Variants in CTNND2 observed in about 807,000 individuals in gnomAD.
The protein encoded by CTNND2 is catenin delta 2.
Under a neutral mutation model 144.4 loss-of-function variants are expected in CTNND2, and 22 were observed. The ratio of observed to expected loss-of-function variants is 0.15; its 90% CI spans 0.11 to 0.22. The LOEUF is 0.22. Among genes scored for constraint, CTNND2 ranks in the 10% least tolerant of loss-of-function variants. The pLI is 1.00. For missense variants in CTNND2, 1,353 were observed against 1,618.8 expected, an observed-to-expected ratio of 0.84 and a Z score of 2.82; for synonymous variants, 751 against 695.6, an observed-to-expected ratio of 1.08 and a Z score of -1.25.
chr5:11,851,409 T>C (rs1378241197), intron 1 of CTNND2, among the ~76,000 whole-genome samples: 1 of 152,180 alleles, frequency 6.6e-6, no homozygotes, highest in East Asian at 1.9e-4. Context: ...TTACTCTGCA[T>C]GATTGAAAGA....
At chr5:11,856,718 T>C (rs544671231) in intron 1 of CTNND2, among the ~76,000 whole-genome samples, 2 of 152,284 alleles carry the variant, frequency 1.3e-5, no homozygotes, top group African/African-American at 2.4e-5. Context: ...CTTCGACATA[T>C]ATGTGGTTTG....
At chr5:11,322,620 C>T (rs528195538) in intron 9 of CTNND2, among the ~76,000 whole-genome samples, 22 of 152,102 alleles carry the variant, frequency 1.4e-4, no homozygotes, top group African/African-American at 4.3e-4. Flanking sequence ...TTCTTGGATA[C>T]ATTTGTTATG....
At chr5:11,334,480 A>G (rs185127127) in intron 9 of CTNND2, among the ~76,000 whole-genome samples, 6 of 152,320 alleles carry the variant, frequency 3.9e-5, no homozygotes, top group Non-Finnish European at 8.8e-5. Flanking sequence ...ATTCAGTTGA[A>G]AAGACTACAT....
chr5:11,006,098 T>C (rs1421377696), intron 18 of CTNND2, among the ~76,000 whole-genome samples: 1 of 152,002 alleles, frequency 6.6e-6, no homozygotes, highest in Non-Finnish European at 1.5e-5. Flanking sequence ...ATCATCTACA[T>C]TAGCAGGTAT....
rs565430813 is a variant in CTNND2, at chr5:11,537,076, G to A, written c.287+27868C>T. ...GGTGGGGGGAAGGAGGCAGCAATTA[G>A]TCTCTAGTAACCCCTCCAATCATTC... On this transcript the variant is annotated intron_variant, in intron 3 of 21. Coordinates refer to ENST00000304623, the MANE Select transcript of CTNND2 (RefSeq NM_001332.4). Among the ~76,000 whole-genome samples the A allele has an allele frequency of 9.2e-5, 14 of 151,774 alleles. No homozygotes were observed. The East Asian group carries it at 2.5e-3, about 28-fold the overall frequency.
chr5:11,242,929 C>T (rs774934070), intron 9 of CTNND2, among the ~76,000 whole-genome samples: 16 of 151,940 alleles, frequency 1.1e-4, no homozygotes, highest in Admixed American at 2.0e-4. Flanking sequence ...TCTTAAAATG[C>T]CAAAATAAAA....
intron 3 of CTNND2, among the ~76,000 whole-genome samples, chr5:11,477,678 G>A (rs1369735115): frequency 6.6e-6 from 1 of 152,078 alleles, no homozygotes; most frequent in South Asian, 2.1e-4. Flanking sequence ...GCCTCCAAAG[G>A]CTCTGCGGTG....
intron 16 of CTNND2, among the ~76,000 whole-genome samples, chr5:11,079,809 T>A (rs61757081): frequency 0.016 from 2,422 of 152,334 alleles, 54 homozygotes; most frequent in East Asian, 0.067. Context: ...ACTAGACTTT[T>A]ACATAGAAAA....
intron 21 of CTNND2, among the ~76,000 whole-genome samples, chr5:10,975,378 T>G (rs1290196184): frequency 1.3e-5 from 2 of 152,220 alleles, no homozygotes; most frequent in African/African-American, 4.8e-5. Context: ...ACTCCAGTAG[T>G]CATAAATATT....
chr5:11,281,861 C>T (rs771588206), intron 9 of CTNND2, among the ~76,000 whole-genome samples: 5 of 152,184 alleles, frequency 3.3e-5, no homozygotes, highest in African/African-American at 4.8e-5. Context: ...TCTCTAATTA[C>T]AGTCATATTC....
chr5:11,004,770 CAAAAA>C (rs56261802), intron 18 of CTNND2, among the ~76,000 whole-genome samples: 3 of 88,846 alleles, frequency 3.4e-5, no homozygotes, highest in Admixed American at 1.3e-4. Context: ...CTCCTTCTCA[CAAAAA>C]AAAAAAAAAA....
At chr5:11,470,674 T>C (rs1331565424) in intron 3 of CTNND2, among the ~76,000 whole-genome samples, 1 of 152,044 alleles carries the variant, frequency 6.6e-6, no homozygotes, top group African/African-American at 2.4e-5. Context: ...TCCTGCCTCC[T>C]TAAGCTCTCC....
intron 15 of CTNND2, among the ~76,000 whole-genome samples, chr5:11,095,203 T>C (rs2973511): frequency 0.56 from 85,233 of 152,120 alleles, 26,851 homozygotes; most frequent in African/African-American, 0.85. Context: ...GCCCCTGAGA[T>C]ACGGAACCTG....
At chr5:11,473,726 G>C (rs1369621874) in intron 3 of CTNND2, among the ~76,000 whole-genome samples, 2 of 152,206 alleles carry the variant, frequency 1.3e-5, no homozygotes, top group Non-Finnish European at 2.9e-5. Context: ...CAGACCAATG[G>C]GTGAGCCAGG....
rs200889914 is a variant in CTNND2 at position 10,992,469 on chromosome 5, C to A, written c.3211+82G>T. On this transcript the variant is annotated intron_variant, in intron 19 of 21. Coordinates refer to ENST00000304623, the MANE Select transcript of CTNND2 (RefSeq NM_001332.4). ...TGAATGGAAGGCTCTCCTCTGAGTACGGGTTGGCTCACGGACTGGGAAGGA... is the reference window on the plus strand; with the variant it reads ...TGAATGGAAGGCTCTCCTCTGAGTAAGGGTTGGCTCACGGACTGGGAAGGA... 1.8e-5 allele frequency: 28 copies of A among 1,588,206 alleles called. No homozygotes were observed. The East Asian group carries it at 6.0e-4, about 34-fold the overall frequency.
chr5:11,256,669 G>A (rs1580725196), intron 9 of CTNND2, among the ~76,000 whole-genome samples: 2 of 152,274 alleles, frequency 1.3e-5, no homozygotes, highest in Non-Finnish European at 1.5e-5. Flanking sequence ...GCTTACCATA[G>A]CTCCTCCTTA....
chr5:10,992,751 C>T (rs1392975087), intron 18 of CTNND2, 74 bp from the exon 19 acceptor site: 2 of 1,554,620 alleles, frequency 1.3e-6, no homozygotes, highest in East Asian at 2.3e-5. Flanking sequence ...TTTTAAGTTC[C>T]AAGTATCTGG....
intron 18 of CTNND2, among the ~76,000 whole-genome samples, chr5:11,013,156 G>A (rs1162135746): frequency 2.6e-5 from 4 of 152,120 alleles, no homozygotes; most frequent in Non-Finnish European, 5.9e-5. Flanking sequence ...ACTCACAGGG[G>A]CCCACAGAGG....
At chr5:11,146,891 G>A (rs900775937) in intron 12 of CTNND2, among the ~76,000 whole-genome samples, 1 of 152,186 alleles carries the variant, frequency 6.6e-6, no homozygotes, top group African/African-American at 2.4e-5. Flanking sequence ...CTCAACATGT[G>A]GAAACTGGGA....
Sources: allele counts gnomAD v4.1 joint callset (sites outside exome capture counted in the v4.1 genomes callset), GRCh38; gene constraint gnomAD v4.1.1; transcripts MANE v1.5; gene names NCBI Gene and HGNC (gene_info 2026-07-23, HGNC 2026-07-21).